Variants in FHIT observed in about 807,000 individuals in gnomAD.
The protein encoded by FHIT is fragile histidine triad diadenosine triphosphatase.
In FHIT, 19 loss-of-function variants were observed where a neutral mutation model predicts 17.9. That is an observed-to-expected ratio of 1.06 (90% CI 0.74 to 1.56). The LOEUF (loss-of-function observed/expected upper bound fraction) is 1.56, where lower values mean the gene tolerates loss of function less well. Among genes scored for constraint, FHIT ranks in the 40% most tolerant of loss-of-function variants. The probability of loss-of-function intolerance (pLI) is 0.00; values close to 1 mark genes in which losing one functional copy is unlikely to be tolerated. For missense variants in FHIT, 248 were observed against 189.2 expected, an observed-to-expected ratio of 1.31 and a Z score of -1.82; for synonymous variants, 81 against 69.7, an observed-to-expected ratio of 1.16 and a Z score of -0.81.
chr3:60,782,321 G>T (rs1700423314), intron 4 of FHIT, among the ~76,000 whole-genome samples: 1 of 151,688 alleles, frequency 6.6e-6, no homozygotes, highest in Non-Finnish European at 1.5e-5. Flanking sequence ...TGAAAGACAA[G>T]TCTTGGCAAG....
chr3:60,972,655 G>GC (rs1262111335), intron 3 of FHIT, among the ~76,000 whole-genome samples: 1 of 149,684 alleles, frequency 6.7e-6, no homozygotes, highest in Non-Finnish European at 1.5e-5. Context: ...TAATACTTAT[G>GC]CCCCATCTTC....
intron 1 of FHIT, among the ~76,000 whole-genome samples, chr3:61,206,803 C>G (rs544726948): frequency 3.9e-5 from 6 of 152,072 alleles, no homozygotes; most frequent in Admixed American, 1.3e-4. Context: ...AATTCAATAC[C>G]CTTTATTTTC....
intron 8 of FHIT, among the ~76,000 whole-genome samples, chr3:59,882,493 T>C (rs1020770445): frequency 6.6e-6 from 1 of 152,006 alleles, no homozygotes; most frequent in African/African-American, 2.4e-5. Flanking sequence ...GGTAACTCGG[T>C]AGAGAAATCC....
chr3:60,827,181 A>C (rs956035979), intron 3 of FHIT, among the ~76,000 whole-genome samples: 6 of 152,206 alleles, frequency 3.9e-5, no homozygotes, highest in African/African-American at 1.4e-4. Context: ...AGTTTGCAGG[A>C]AAGTTCAGTA....
intron 8 of FHIT, among the ~76,000 whole-genome samples, chr3:59,754,456 C>T (rs973273200): frequency 4.6e-5 from 7 of 152,208 alleles, no homozygotes; most frequent in Admixed American, 1.3e-4. Context: ...TACTCAAGAA[C>T]TAATTTTCAT....
intron 3 of FHIT, among the ~76,000 whole-genome samples, chr3:60,949,470 A>G (rs1708786021): frequency 6.6e-6 from 1 of 152,218 alleles, no homozygotes; most frequent in Non-Finnish European, 1.5e-5. Context: ...GATTCTGAAA[A>G]TGAACATATC....
intron 2 of FHIT, among the ~76,000 whole-genome samples, chr3:61,189,674 C>G (rs2038649221): frequency 6.6e-6 from 1 of 152,228 alleles, no homozygotes; most frequent in Non-Finnish European, 1.5e-5. Context: ...CGCTACCTGA[C>G]TTCAAACTAT....
At chr3:60,549,838 T>C (rs747293463) in intron 4 of FHIT, among the ~76,000 whole-genome samples, 12 of 152,138 alleles carry the variant, frequency 7.9e-5, no homozygotes, top group Admixed American at 2.0e-4. Context: ...ACTAGAAAAA[T>C]AAAGTTGTTA....
At chr3:59,949,923 T>G (rs905640211) in intron 7 of FHIT, among the ~76,000 whole-genome samples, 1 of 152,174 alleles carries the variant, frequency 6.6e-6, no homozygotes, top group African/African-American at 2.4e-5. Context: ...AATGCATAAT[T>G]AAACAATGAG....
chr3:60,742,428 T>C (rs914495639), intron 4 of FHIT, among the ~76,000 whole-genome samples: 2 of 152,198 alleles, frequency 1.3e-5, no homozygotes, highest in Non-Finnish European at 2.9e-5. Context: ...ATATTCTTCA[T>C]TCCTACTGTC....
chr3:59,983,000 A>C (rs979600217), intron 7 of FHIT, among the ~76,000 whole-genome samples: 1 of 151,556 alleles, frequency 6.6e-6, no homozygotes, highest in Non-Finnish European at 1.5e-5. Flanking sequence ...GCACAATGCC[A>C]CTATCTCAGC....
chr3:60,759,821 C>T (rs1699576116), intron 4 of FHIT, among the ~76,000 whole-genome samples: 1 of 152,168 alleles, frequency 6.6e-6, no homozygotes, highest in South Asian at 2.1e-4. Flanking sequence ...ATGGAGAGAA[C>T]ATGTGCAGGC....
chr3:60,116,868 G>T (rs1704985227), intron 5 of FHIT, among the ~76,000 whole-genome samples: 2 of 144,080 alleles, frequency 1.4e-5, no homozygotes, highest in Admixed American at 1.4e-4. Context: ...ATTAAGGGGA[G>T]TAACAAAATT....
intron 5 of FHIT, among the ~76,000 whole-genome samples, chr3:60,320,646 C>A (rs1406330920): frequency 6.6e-6 from 1 of 152,046 alleles, no homozygotes; most frequent in Non-Finnish European, 1.5e-5. Flanking sequence ...CAGACATTCA[C>A]ATAAATCTTT....
At chr3:61,028,884 A>T (rs1211522061) in intron 3 of FHIT, among the ~76,000 whole-genome samples, 1 of 146,888 alleles carries the variant, frequency 6.8e-6, no homozygotes, top group Non-Finnish European at 1.5e-5. Flanking sequence ...AGCACCCCCC[A>T]CCAACAAAAA....
At chr3:61,178,187 G>A (rs1377808442) in intron 2 of FHIT, among the ~76,000 whole-genome samples, 1 of 152,150 alleles carries the variant, frequency 6.6e-6, no homozygotes, top group Admixed American at 6.5e-5. Context: ...GTTATTGAGT[G>A]TTTAGATTGT....
chr3:60,206,924 G>A (rs1361114739), intron 5 of FHIT, among the ~76,000 whole-genome samples: 5 of 151,996 alleles, frequency 3.3e-5, no homozygotes, highest in Admixed American at 2.6e-4. Flanking sequence ...TTGTTTCATG[G>A]AAACCCTTAC....
At chr3:61,238,662 T>C (rs1201758439) in intron 1 of FHIT, among the ~76,000 whole-genome samples, 3 of 152,200 alleles carry the variant, frequency 2.0e-5, no homozygotes, top group Non-Finnish European at 4.4e-5. Context: ...GTTTTTCAAA[T>C]ATGCAAATAA....
intron 4 of FHIT, among the ~76,000 whole-genome samples, chr3:60,580,752 G>T (rs1403523916): frequency 6.6e-6 from 1 of 152,034 alleles, no homozygotes; most frequent in Non-Finnish European, 1.5e-5. Flanking sequence ...TTCCATTACA[G>T]GTTTCACCTC....
Sources: allele counts gnomAD v4.1 joint callset (sites outside exome capture counted in the v4.1 genomes callset), GRCh38; gene constraint gnomAD v4.1.1; transcripts MANE v1.5; gene names NCBI Gene and HGNC (gene_info 2026-07-23, HGNC 2026-07-21).